KLF12: variants seen among roughly 807,000 people sequenced by gnomAD.
KLF12 encodes the protein Krueppel-like factor 12.
Under a neutral mutation model 37.8 loss-of-function variants are expected in KLF12, and 9 were observed. That is an observed-to-expected ratio of 0.24 (90% CI 0.14 to 0.42). KLF12 has a LOEUF of 0.42. Among genes scored for constraint, KLF12 ranks in the 10% least tolerant of loss-of-function variants. The pLI is 1.00. For synonymous variants in KLF12, 208 were observed against 202.1 expected, an observed-to-expected ratio of 1.03 and a Z score of -0.25; for missense variants, 411 against 516.0, an observed-to-expected ratio of 0.80 and a Z score of 1.97.
intron 3 of KLF12, among the ~76,000 whole-genome samples, chr13:73,920,405 G>T (rs926980634): frequency 1.3e-5 from 2 of 151,920 alleles, no homozygotes; most frequent in African/African-American, 4.8e-5. Context: ...TCTTGCTCAA[G>T]AAAATACCAG....
At chr13:73,891,154 G>C (rs1887488267) in intron 3 of KLF12, among the ~76,000 whole-genome samples, 1 of 151,990 alleles carries the variant, frequency 6.6e-6, no homozygotes, top group Admixed American at 6.6e-5. Context: ...TATTGTTCTG[G>C]AACAGTCTAA....
the KLF12 span, among the ~76,000 whole-genome samples, chr13:74,284,033 A>AT: frequency 3.1e-3 from 463 of 151,796 alleles, 3 homozygotes; most frequent in African/African-American, 0.011. Context: ...AATTTTTTGT[A>AT]TTTTTAGTAG....
chr13:73,702,747 C>T (rs1480974892), intron 7 of KLF12, among the ~76,000 whole-genome samples: 2 of 152,174 alleles, frequency 1.3e-5, no homozygotes, highest in Non-Finnish European at 2.9e-5. Flanking sequence ...CTGTGACAAT[C>T]TGTTTCACTT....
intron 3 of KLF12, among the ~76,000 whole-genome samples, chr13:73,942,578 G>A (rs1283822290): frequency 2.0e-5 from 3 of 152,174 alleles, no homozygotes; most frequent in Admixed American, 6.5e-5. Context: ...AGTGAATCCA[G>A]CTAGAAAATC....
chr13:74,139,774 A>C, the KLF12 span, among the ~76,000 whole-genome samples: 2 of 152,172 alleles, frequency 1.3e-5, no homozygotes, highest in Non-Finnish European at 2.9e-5. Flanking sequence ...GCAAATTTTG[A>C]GGTTATAAAC....
At chr13:73,853,167 C>T (rs1014363796) in intron 3 of KLF12, among the ~76,000 whole-genome samples, 4 of 152,104 alleles carry the variant, frequency 2.6e-5, no homozygotes, top group African/African-American at 9.7e-5. Flanking sequence ...ATTTTTAATG[C>T]TTTTTTACAT....
At chr13:74,120,577 TAAAA>T (rs1027900433) in intron 1 of KLF12, among the ~76,000 whole-genome samples, 1 of 151,588 alleles carries the variant, frequency 6.6e-6, no homozygotes, top group Non-Finnish European at 1.5e-5. Context: ...CATAAAGAAA[TAAAA>T]AAAACCCTGG....
At chr13:74,094,814 G>C (rs1185159304) in intron 1 of KLF12, among the ~76,000 whole-genome samples, 1 of 152,064 alleles carries the variant, frequency 6.6e-6, no homozygotes, top group Non-Finnish European at 1.5e-5. Flanking sequence ...TGGCCAGGCT[G>C]GTTATGAACT....
intron 7 of KLF12, among the ~76,000 whole-genome samples, chr13:73,699,376 AC>A (rs1436945946): frequency 2.0e-5 from 3 of 151,942 alleles, no homozygotes; most frequent in African/African-American, 4.8e-5. Flanking sequence ...ACCAGGCAAG[AC>A]CCCGCCTCCA....
chr13:73,939,339 C>G (rs1463836327), intron 3 of KLF12, among the ~76,000 whole-genome samples: 1 of 152,144 alleles, frequency 6.6e-6, no homozygotes, highest in African/African-American at 2.4e-5. Flanking sequence ...TAAAGAATTT[C>G]AAATACACAA....
intron 1 of KLF12, among the ~76,000 whole-genome samples, chr13:74,131,554 G>A (rs905573147): frequency 6.6e-5 from 10 of 152,132 alleles, no homozygotes; most frequent in Non-Finnish European, 1.5e-4. Flanking sequence ...TCTGGGGAGT[G>A]GGAGGTGGAG....
At chr13:74,014,197 G>A (rs534693400) in intron 1 of KLF12, among the ~76,000 whole-genome samples, 15 of 152,294 alleles carry the variant, frequency 9.8e-5, no homozygotes, top group African/African-American at 3.1e-4. Context: ...CTGTGAAAAC[G>A]TTCTAGAAGG....
the KLF12 span, among the ~76,000 whole-genome samples, chr13:74,260,277 A>G: frequency 1.4e-4 from 22 of 152,214 alleles, no homozygotes; most frequent in African/African-American, 5.3e-4. Context: ...TAAATCGGGC[A>G]GGATACAATG....
At chr13:74,037,042 GAAAATAAA>G (rs1893264561) in intron 1 of KLF12, among the ~76,000 whole-genome samples, 2 of 151,532 alleles carry the variant, frequency 1.3e-5, no homozygotes, top group South Asian at 2.1e-4. Context: ...CGTCTCTACT[GAAAATAAA>G]AAAATTAGCC....
At chr13:73,949,062 T>C (rs911618659) in intron 2 of KLF12, among the ~76,000 whole-genome samples, 1 of 152,234 alleles carries the variant, frequency 6.6e-6, no homozygotes, top group Non-Finnish European at 1.5e-5. Context: ...TATTATCTGA[T>C]GTTGAGGCAT....
chr13:73,936,503 G>C (rs917815026), intron 3 of KLF12, among the ~76,000 whole-genome samples: 2 of 152,144 alleles, frequency 1.3e-5, no homozygotes, highest in African/African-American at 4.8e-5. Flanking sequence ...TACACAGGAA[G>C]ATAAGTACTC....
chr13:74,025,935 G>A (rs1395411795), intron 1 of KLF12, among the ~76,000 whole-genome samples: 1 of 151,988 alleles, frequency 6.6e-6, no homozygotes, highest in African/African-American at 2.4e-5. Context: ...AACATTATTT[G>A]GTAAAATGCA....
chr13:74,094,231 C>T (rs1282115211), intron 1 of KLF12, among the ~76,000 whole-genome samples: 1 of 152,110 alleles, frequency 6.6e-6, no homozygotes, highest in East Asian at 1.9e-4. Context: ...GCTATACTTT[C>T]GTCCCTTGGT....
At chr13:74,074,226 G>A (rs893385686) in intron 1 of KLF12, among the ~76,000 whole-genome samples, 3 of 151,918 alleles carry the variant, frequency 2.0e-5, no homozygotes, top group African/African-American at 4.8e-5. Context: ...ACTCTTTTTC[G>A]GTATGTCAAG....
Sources: gnomAD v4.1 joint callset for allele counts (sites outside exome capture counted in the v4.1 genomes callset) on GRCh38, gnomAD v4.1.1 for gene constraint, MANE v1.5 for transcripts, NCBI Gene and HGNC (gene_info 2026-07-23, HGNC 2026-07-21) for gene names.